NR1I2: variants seen among roughly 807,000 people sequenced by gnomAD.
The protein encoded by NR1I2 is orphan nuclear receptor PAR1.
Under a neutral mutation model 43.3 loss-of-function variants are expected in NR1I2, and 42 were observed. That is an observed-to-expected ratio of 0.97 (90% CI 0.76 to 1.26). NR1I2 has a LOEUF of 1.26. Ranked by LOEUF, NR1I2 falls within the 50% of genes most tolerant of loss-of-function variation. NR1I2 has a pLI of 0.00. For missense variants in NR1I2, 559 were observed against 566.7 expected (o/e 0.99, Z 0.14); for synonymous variants, 229 against 215.0 (o/e 1.06, Z -0.57).
intron 1 of NR1I2, among the ~76,000 whole-genome samples, chr3:119,791,322 GCCT>G (rs1034062311): frequency 4.6e-5 from 7 of 151,996 alleles, no homozygotes; most frequent in Admixed American, 3.3e-4. Context: ...CTCCAGAGTG[GCCT>G]CCTCCTGCAA....
In NR1I2 at chr3:119,804,143, G is replaced by A. The variant is rs370435755; in HGVS notation, c.-22-3086G>A. 8.6e-5 allele frequency among the ~76,000 whole-genome samples: 13 copies of A among 151,200 alleles called. No individual in the cohort carries two copies. In the South Asian group the frequency reaches 2.7e-3, roughly 31 times the overall value. On this transcript the variant is annotated intron_variant, in intron 1 of 8. Coordinates refer to ENST00000393716, the MANE Select transcript of NR1I2 (RefSeq NM_003889.4). The stretch of plus-strand genomic sequence containing the variant: ...TCCCAGCACTTTGGGAGGCCAAGGT[G>A]GGCAGATAACGAGGTCAGGAGATCG...
rs767940172 is a variant in NR1I2, at chr3:119,817,127, A to G, written c.1220A>G (p.His407Arg). The change falls in exon 9 of 9, where the codon CAC becomes CGC. Residue 407 changes from histidine to arginine, a missense_variant. His to Arg is a conservative substitution (Grantham distance 29). Transcript: ENST00000393716. ...GAGCTCCGCAGCATCAATGCTCAGCACACCCAGCGGCTGCTGCGCATCCAG... is the reference window on the plus strand; with the variant it reads ...GAGCTCCGCAGCATCAATGCTCAGCGCACCCAGCGGCTGCTGCGCATCCAG... 39 of 1,614,192 alleles carry G rather than the reference A, an allele frequency of 2.4e-5. No homozygotes were observed. The highest frequency in any genetic ancestry group is 3.2e-5 in the Non-Finnish European group (38 of 1,180,034).
chr3:119,788,751 T>A (rs1179687873), intron 1 of NR1I2, among the ~76,000 whole-genome samples: 1 of 152,258 alleles, frequency 6.6e-6, no homozygotes, highest in African/African-American at 2.4e-5. Flanking sequence ...ATATTGACTT[T>A]AAACAACAAT....
chr3:119,801,774 G>C (rs1028985953), intron 1 of NR1I2, among the ~76,000 whole-genome samples: 3 of 152,190 alleles, frequency 2.0e-5, no homozygotes, highest in African/African-American at 7.2e-5. Flanking sequence ...GCAGTCACCT[G>C]GAGGCATAAT....
chr3:119,782,647 C>A, intron 1 of NR1I2: 1 of 783,610 alleles, frequency 1.3e-6, no homozygotes, highest in Non-Finnish European at 2.2e-6. Flanking sequence ...GAAATACCAC[C>A]TCCAAGGACT....
chr3:119,800,587 T>C (rs2055064601), intron 1 of NR1I2, among the ~76,000 whole-genome samples: 1 of 152,192 alleles, frequency 6.6e-6, no homozygotes, highest in Non-Finnish European at 1.5e-5. Context: ...TGTTTTTTGG[T>C]CGTTTTTTTC....
At chr3:119,789,416 A>AT (rs1255081844) in intron 1 of NR1I2, among the ~76,000 whole-genome samples, 9 of 152,196 alleles carry the variant, frequency 5.9e-5, no homozygotes, top group African/African-American at 1.7e-4. Context: ...CATGTCTTAC[A>AT]TGGTGTCAGG....
intron 1 of NR1I2, among the ~76,000 whole-genome samples, chr3:119,805,762 G>A (rs531738968): frequency 7.0e-6 from 1 of 143,644 alleles, no homozygotes; most frequent in Admixed American, 7.7e-5. Context: ...ATTTCTGTTG[G>A]GTGTCTGGGA....
At chr3:119,801,875 T>A (rs918075020) in intron 1 of NR1I2, among the ~76,000 whole-genome samples, 8 of 152,144 alleles carry the variant, frequency 5.3e-5, no homozygotes, top group African/African-American at 1.9e-4. Flanking sequence ...GTCTCATCGG[T>A]GCGATCTCAG....
intron 1 of NR1I2, among the ~76,000 whole-genome samples, chr3:119,799,637 C>T (rs987618150): frequency 2.0e-5 from 3 of 151,980 alleles, no homozygotes; most frequent in Admixed American, 6.6e-5. Context: ...ATAAGTCTTC[C>T]GAATGTAATA....
intron 4 of NR1I2, 128 bp downstream of exon 4, chr3:119,811,854 A>G: frequency 1.1e-6 from 1 of 910,226 alleles, no homozygotes; most frequent in South Asian, 1.4e-5. Context: ...GTAGATTTGG[A>G]GAGCTGGTCC....
chr3:119,817,721 A>ACTG lies in NR1I2; in HGVS notation c.*511_*512insGCT. 9.5e-7 allele frequency: 1 copy of ACTG among 1,055,704 alleles called. No individual in the cohort carries two copies. Among genetic ancestry groups the ACTG allele is most frequent in the Non-Finnish European group, 1.1e-6 (1 of 871,758 alleles). The allele number at this position is 1,055,704 out of a possible 1,614,324, so 65.4% of individuals were successfully genotyped here. A position where few individuals can be genotyped will look rare whatever the true frequency, so the allele number is the denominator to read the frequency against. ...GCTGCTTTGTGGGCTCCAGGCCTGT[A>ACTG]CTCATCGGCAGGCGCATGAGTATCT... On this transcript the variant is annotated 3_prime_UTR_variant, in exon 9 of 9. Transcript: ENST00000393716.
At chr3:119,792,289 G>C (rs768176672) in intron 1 of NR1I2, 1 of 1,486,746 alleles carries the variant, frequency 6.7e-7, no homozygotes, top group African/African-American at 1.4e-5. Context: ...CTTATGGAGC[G>C]AGCAGCCACC....
At position 119,810,180 on chromosome 3, in the gene NR1I2, G is replaced by T. The variant is rs749979628; in HGVS notation, c.317G>T (p.Gly106Val). 18 of 1,608,260 alleles carry T rather than the reference G, an allele frequency of 1.1e-5. No homozygotes were observed. The highest frequency in any genetic ancestry group is 1.3e-5 in the African/African-American group (1 of 74,828). ...CGCCTGCGCAAGTGCCTGGAGAGCGGCATGAAGAAGGAGAGTGAGCAGTGG... is the reference window on the plus strand; with the variant it reads ...CGCCTGCGCAAGTGCCTGGAGAGCGTCATGAAGAAGGAGAGTGAGCAGTGG... Residue 106 changes from glycine (G) to valine (V), a missense_variant, in exon 3 of 9, where the codon GGC becomes GTC. By Grantham distance (109) the Gly-to-Val change is moderately radical. Around this residue, in one of 3 missense-constraint regions of NR1I2, gnomAD observed 232 missense variants for 236.6 expected, o/e 0.98. Coordinates refer to ENST00000393716, the MANE Select transcript of NR1I2 (RefSeq NM_003889.4).
intron 1 of NR1I2, among the ~76,000 whole-genome samples, chr3:119,788,115 T>C (rs888393541): frequency 3.9e-5 from 6 of 151,982 alleles, no homozygotes; most frequent in African/African-American, 1.5e-4. Context: ...AAAAAATTAT[T>C]ATTATTATTA....
intron 1 of NR1I2, among the ~76,000 whole-genome samples, chr3:119,787,740 AT>A (rs1264676139): frequency 7.3e-6 from 1 of 137,140 alleles, no homozygotes; most frequent in South Asian, 2.3e-4. Flanking sequence ...TAGTAGGATG[AT>A]TATATATATA....
intron 5 of NR1I2, among the ~76,000 whole-genome samples, chr3:119,813,193 A>G (rs1395946144): frequency 4.6e-5 from 7 of 152,180 alleles, no homozygotes; most frequent in Admixed American, 1.3e-4. Flanking sequence ...CACCTGCTCA[A>G]TGGAAGCTAA....
At position 119,817,312 on chromosome 3, in the gene NR1I2, C is replaced by G. The variant is rs1437295270; in HGVS notation, c.*100C>G. 1.3e-6 allele frequency: 2 copies of G among 1,595,406 alleles called. No homozygotes were observed. The highest frequency in any genetic ancestry group is 1.7e-6 in the Non-Finnish European group (2 of 1,176,068). The stretch of plus-strand genomic sequence containing the variant: ...ACAGATGGACACTGCCAAGAGCCGA[C>G]AATGCCCTGCTGGCCTGTCTCCCTA... On this transcript the variant is annotated 3_prime_UTR_variant, in exon 9 of 9. Transcript: ENST00000393716.
At chr3:119,783,335 A>G (rs1020153133) in intron 1 of NR1I2, among the ~76,000 whole-genome samples, 7 of 152,000 alleles carry the variant, frequency 4.6e-5, no homozygotes, top group African/African-American at 1.4e-4. Context: ...CCCATTCGTT[A>G]TGTATTGTAT....
Sources: allele counts gnomAD v4.1 joint callset (sites outside exome capture counted in the v4.1 genomes callset), GRCh38; gene constraint gnomAD v4.1.1; regional missense constraint gnomAD v4.1.1; transcripts MANE v1.5; gene names NCBI Gene and HGNC (gene_info 2026-07-23, HGNC 2026-07-21).